The following FOXP4 variants were observed in gnomAD, a reference collection of about 807,000 sequenced individuals.
FOXP4 encodes the protein forkhead box P4, also known as forkhead box protein P4.
Under a neutral mutation model 82.6 loss-of-function variants are expected in FOXP4, and 25 were observed. That is an observed-to-expected ratio of 0.30 (90% CI 0.22 to 0.42). The LOEUF is 0.42. FOXP4 is among the 10% of genes least tolerant of loss of function. The pLI is 1.00. For synonymous variants in FOXP4, 415 were observed against 388.2 expected (o/e 1.07, Z -0.81); for missense variants, 785 against 900.9 (o/e 0.87, Z 1.65).
At position 41,590,873 on chromosome 6, in the gene FOXP4, C is replaced by T. The variant is rs375996577; in HGVS notation, c.1435-348C>T. 4.6e-5 allele frequency among the ~76,000 whole-genome samples: 7 copies of T among 152,222 alleles called. No individual in the cohort carries two copies. In the East Asian group the frequency reaches 9.6e-4, roughly 21 times the overall value. Reference sequence around the variant, plus strand: ...GATAAATTCCAAACAGCCTCCACCCCGTGGACATCTCTCCCAAGAAAGACA... The same window carrying T: ...GATAAATTCCAAACAGCCTCCACCCTGTGGACATCTCTCCCAAGAAAGACA... On this transcript the variant is annotated intron_variant, in intron 12 of 16. Coordinates refer to ENST00000307972, the MANE Select transcript of FOXP4 (RefSeq NM_001012426.2).
rs1763645551 is a variant in FOXP4 at position 41,546,786 on chromosome 6, G to T, written c.-98G>T. 1 of 147,298 alleles carries T rather than the reference G, an allele frequency of 6.8e-6. No individual in the cohort carries two copies. The highest frequency in any genetic ancestry group is 2.1e-4 in the South Asian group (1 of 4,858). The allele number at this position is 147,298 out of a possible 1,614,324, so 9.1% of individuals were successfully genotyped here. On this transcript the variant is annotated 5_prime_UTR_variant, in exon 1 of 17. Transcript: ENST00000307972. ...GGGCAGCCCCGGCGGGCGGCGGCGG[G>T]CCCGGGCTGCGACCGGAGCGAGCCC...
chr6:41,579,495 C>T (rs1765678183), intron 3 of FOXP4, among the ~76,000 whole-genome samples: 1 of 152,116 alleles, frequency 6.6e-6, no homozygotes, highest in Admixed American at 6.5e-5. Context: ...AACGTTCCCC[C>T]AAACCAGAAA....
intron 3 of FOXP4, among the ~76,000 whole-genome samples, chr6:41,578,585 T>TCCTGTCTCTTGATGTCTC (rs1765628046): frequency 6.6e-6 from 1 of 151,634 alleles, no homozygotes; most frequent in South Asian, 2.1e-4. Context: ...TCTCCATGCT[T>TCCTGTCTCTTGATGTCTC]CCTGTCTCTT....
Position 41,600,886 on chromosome 6 carries a change from C to T in FOXP4, c.*1950C>T, listed in dbSNP as rs576675650. On this transcript the variant is annotated 3_prime_UTR_variant, in exon 17 of 17. Transcript: ENST00000307972. ...TTCTCTGTCATTTTCCTGTTTTCTT[C>T]CAGAGTCCCAATCCTTTGCCCTAGT... 10 of 152,292 alleles carry T rather than the reference C, an allele frequency of 6.6e-5. No individual in the cohort carries two copies. The highest frequency in any genetic ancestry group is 2.9e-5 in the Non-Finnish European group (2 of 68,058). The allele number at this position is 152,292 out of a possible 1,614,324, so 9.4% of individuals were successfully genotyped here.
chr6:41,557,669 A>G (rs73733278), intron 1 of FOXP4, among the ~76,000 whole-genome samples: 19,600 of 152,244 alleles, frequency 0.13, 1,343 homozygotes, highest in Non-Finnish European at 0.15. Flanking sequence ...TTATGACCCA[A>G]ATTTCACTTT....
chr6:41,564,764 A>G (rs1764781118), intron 1 of FOXP4, among the ~76,000 whole-genome samples: 1 of 151,838 alleles, frequency 6.6e-6, no homozygotes, highest in Admixed American at 6.6e-5. Flanking sequence ...TCTACTTTTG[A>G]CCAGGTGCTA....
intron 1 of FOXP4, among the ~76,000 whole-genome samples, chr6:41,548,139 CTTCCCT>C (rs1763768840): frequency 6.6e-6 from 1 of 152,208 alleles, no homozygotes; most frequent in African/African-American, 2.4e-5. Context: ...TGCTCCCCGG[CTTCCCT>C]GGCCAGCCCC....
At chr6:41,577,915 C>T in intron 2 of FOXP4, 71 bp from the exon 3 acceptor site, 1 of 1,162,588 alleles carries the variant, frequency 8.6e-7, no homozygotes, top group South Asian at 1.3e-5. Flanking sequence ...CCTTACTGCC[C>T]CAAACACTCC....
chr6:41,549,373 T>C (rs1404241926), intron 1 of FOXP4, among the ~76,000 whole-genome samples: 1 of 152,138 alleles, frequency 6.6e-6, no homozygotes, highest in South Asian at 2.1e-4. Context: ...AGGGACCTGC[T>C]CCTGTCCCTT....
intron 14 of FOXP4, among the ~76,000 whole-genome samples, chr6:41,596,511 C>G (rs985359189): frequency 6.6e-6 from 1 of 152,152 alleles, no homozygotes. Context: ...GGGCCAGTCT[C>G]CAGGCCTGGC....
chr6:41,584,858 G>A lies in FOXP4; in HGVS notation c.390G>A (p.Leu130=). ...TGTCGCCCCCGCAGCTGCAGGCCTT[G>A]CTCCAGCAGCAGCAAGCCCTCATGC... ...QILSPPQLQA[L]LQQQQALMLQ... Residue 130 remains leucine, a synonymous_variant, in exon 4 of 17, where the codon TTG becomes TTA. Transcript: ENST00000307972. 1 of 1,611,298 alleles carries A rather than the reference G, an allele frequency of 6.2e-7. No homozygotes were observed. The highest frequency in any genetic ancestry group is 8.5e-7 in the Non-Finnish European group (1 of 1,179,012).
At chr6:41,581,366 C>T (rs1238724258) in intron 3 of FOXP4, among the ~76,000 whole-genome samples, 2 of 152,214 alleles carry the variant, frequency 1.3e-5, no homozygotes, top group East Asian at 3.8e-4. Context: ...TCCTTCCAGT[C>T]AGACCGTCCA....
intron 1 of FOXP4, among the ~76,000 whole-genome samples, chr6:41,562,922 A>C (rs1764669423): frequency 6.6e-6 from 1 of 152,152 alleles, no homozygotes; most frequent in East Asian, 1.9e-4. Context: ...TGCTGTGGCA[A>C]GTGGAGGATG....
intron 3 of FOXP4, among the ~76,000 whole-genome samples, chr6:41,578,782 G>A (rs1765640131): frequency 6.6e-6 from 1 of 152,064 alleles, no homozygotes; most frequent in Non-Finnish European, 1.5e-5. Flanking sequence ...GAGAATTGCA[G>A]TCTGAGTCCG....
chr6:41,598,418 G>A lies in FOXP4; in HGVS notation c.1896-371G>A, dbSNP rs553977760. On this transcript the variant is annotated intron_variant, in intron 16 of 16. Transcript: ENST00000307972. ...ATTTAGTAGAGAATGGGGTTTCACC[G>A]TGCTGGCCAGGCTGGTCTCGACCTC... Among the ~76,000 whole-genome samples, 5 of 151,944 alleles carry A rather than the reference G, an allele frequency of 3.3e-5. No individual in the cohort carries two copies. The South Asian group carries it at 8.3e-4, about 25-fold the overall frequency.
chr6:41,587,471 G>T lies in FOXP4; in HGVS notation c.831G>T (p.Leu277=). Reference sequence around the variant, plus strand: ...CACCCCCCCTCTCCCACCATACCCTGCCCAACGGACAGCCTACTGTGCTCA... The same window carrying T: ...CACCCCCCCTCTCCCACCATACCCTTCCCAACGGACAGCCTACTGTGCTCA... ...KVSPPLSHHT[L]PNGQPTVLTS... Residue 277 remains leucine (L), a synonymous_variant, in exon 7 of 17, where the codon CTG becomes CTT. Coordinates refer to ENST00000307972, the MANE Select transcript of FOXP4 (RefSeq NM_001012426.2). The T allele has an allele frequency of 6.5e-7, 1 of 1,542,270 alleles. No individual in the cohort carries two copies. The highest frequency in any genetic ancestry group is 8.7e-7 in the Non-Finnish European group (1 of 1,144,654).
chr6:41,572,299 A>G (rs1562024009), intron 2 of FOXP4, among the ~76,000 whole-genome samples: 1 of 151,968 alleles, frequency 6.6e-6, no homozygotes, highest in Non-Finnish European at 1.5e-5. Context: ...CTGGCCACAC[A>G]CCCTAGAGCC....
intron 1 of FOXP4, among the ~76,000 whole-genome samples, chr6:41,555,259 AAAG>A (rs1326759245): frequency 6.6e-6 from 1 of 152,168 alleles, no homozygotes; most frequent in African/African-American, 2.4e-5. Context: ...TCAAAAAAAA[AAAG>A]AACTGATGGT....
At chr6:41,561,447 A>G (rs1764575117) in intron 1 of FOXP4, among the ~76,000 whole-genome samples, 1 of 152,180 alleles carries the variant, frequency 6.6e-6, no homozygotes, top group African/African-American at 2.4e-5. Flanking sequence ...AGGCAGAAAG[A>G]GCACCCCAGT....
Sources: allele counts gnomAD v4.1 joint callset (sites outside exome capture counted in the v4.1 genomes callset), GRCh38; gene constraint gnomAD v4.1.1; transcripts MANE v1.5; gene names NCBI Gene and HGNC (gene_info 2026-07-23, HGNC 2026-07-21).